TENM2: variants seen among roughly 807,000 people sequenced by gnomAD.
The protein encoded by TENM2 is teneurin transmembrane protein 2.
A neutral mutation model predicts 245.2 loss-of-function variants in TENM2; 52 were observed. The ratio of observed to expected loss-of-function variants is 0.21; its 90% confidence interval spans 0.17 to 0.27. The LOEUF (loss-of-function observed/expected upper bound fraction) is 0.27. TENM2 is among the 10% of genes least tolerant of loss of function. The probability of loss-of-function intolerance (pLI) is 1.00; values close to 1 mark genes in which losing one functional copy is unlikely to be tolerated. For missense variants in TENM2, 3,046 were observed against 3,666.8 expected, an observed-to-expected ratio of 0.83 and a Z score of 4.37; for synonymous variants, 1,363 against 1,438.9, an observed-to-expected ratio of 0.95 and a Z score of 1.19.
In TENM2 at chr5:168,247,651, G is replaced by C; in HGVS notation, c.6712G>C (p.Gly2238Arg). Residue 2238 changes from glycine (G) to arginine (R), a missense_variant, in exon 27 of 29, where the codon GGC becomes CGC. Coordinates refer to ENST00000518659, the Ensembl canonical transcript of TENM2. This position sits in a 1 kb window ranked among gnomAD's most constrained non-coding sequence, Gnocchi z 7.8. ...TGGGAATCTCCACTTACTGAACCCA[G>C]GCAACAGTGTGCGCCTCATGCCCTT... 6.2e-7 allele frequency: 1 copy of C among 1,613,882 alleles called. No individual in the cohort carries two copies. The highest frequency in any genetic ancestry group is 1.1e-5 in the South Asian group (1 of 91,088).
In TENM2 at chr5:168,032,676, T is replaced by A. The variant is rs540681773; in HGVS notation, c.1187-14751T>A. Among the ~76,000 whole-genome samples the A allele has an allele frequency of 2.0e-5, 3 of 152,236 alleles. No individual in the cohort carries two copies. In the South Asian group the frequency reaches 6.2e-4, roughly 32 times the overall value. On this transcript the variant is annotated intron_variant, in intron 5 of 28. Transcript: ENST00000518659. ...GGCAGTGGGGAGTTAGGTCTTATGGTTTGCTTGTGTCTTGCTTTTTTTACA... is the reference window on the plus strand; with the variant it reads ...GGCAGTGGGGAGTTAGGTCTTATGGATTGCTTGTGTCTTGCTTTTTTTACA...
At chr5:167,924,497 A>T (rs944017257) in intron 3 of TENM2, among the ~76,000 whole-genome samples, 3 of 152,252 alleles carry the variant, frequency 2.0e-5, no homozygotes, top group African/African-American at 4.8e-5. Context: ...AAATGGTAAA[A>T]TATCTGGAGT....
At chr5:167,913,697 C>G (rs1414038893) in intron 3 of TENM2, among the ~76,000 whole-genome samples, 1 of 152,184 alleles carries the variant, frequency 6.6e-6, no homozygotes, top group East Asian at 1.9e-4. Flanking sequence ...GGTTATATCT[C>G]GTTCTCCAGC....
chr5:167,185,455 C>T, the TENM2 span, among the ~76,000 whole-genome samples: 1 of 151,956 alleles, frequency 6.6e-6, no homozygotes, highest in Non-Finnish European at 1.5e-5. Flanking sequence ...TAAATACATG[C>T]CCTATTTTTG....
intron 25 of TENM2, among the ~76,000 whole-genome samples, chr5:168,236,034 A>C (rs955628796): frequency 6.6e-6 from 1 of 152,198 alleles, no homozygotes; most frequent in Non-Finnish European, 1.5e-5. Context: ...TTCTGCCTGT[A>C]TCCTGAACAG....
intron 11 of TENM2, 74 bp from the exon 14 acceptor site, chr5:168,126,680 A>G: frequency 3.9e-6 from 5 of 1,295,126 alleles, no homozygotes; most frequent in Non-Finnish European, 5.4e-6. Context: ...GGTCTGGGCC[A>G]TGTGCGTGGT....
chr5:167,295,810 ACAC>A (rs1754918728), intron 1 of TENM2, among the ~76,000 whole-genome samples: 1 of 152,056 alleles, frequency 6.6e-6, no homozygotes. Context: ...AAACTCTCTC[ACAC>A]CACCAAGTTA....
chr5:168,195,566 G>A lies in TENM2; in HGVS notation c.2900+271G>A, dbSNP rs1016941975. Among the ~76,000 whole-genome samples the A allele has an allele frequency of 1.8e-3, 210 of 114,892 alleles. 1 individual carries two copies. Among genetic ancestry groups the A allele is most frequent in the African/African-American group, 7.2e-3 (166 of 23,074 alleles). 75.4% of individuals were successfully genotyped at this position (114,892 alleles called of 152,430 possible). On this transcript the variant is annotated intron_variant, in intron 15 of 28. Transcript: ENST00000518659. ...GGTCAATGCACGTGTGTGTGTGTGT[G>A]TGTGTGTGTGTGTGTGTGTGTGTGT...
At chr5:167,262,398 TTG>T in the TENM2 span, among the ~76,000 whole-genome samples, 1 of 120,200 alleles carries the variant, frequency 8.3e-6, no homozygotes, top group Admixed American at 9.5e-5. Context: ...GGCTTTTTTT[TTG>T]GGGGGGCGGT....
intron 3 of TENM2, among the ~76,000 whole-genome samples, chr5:167,890,089 G>A (rs575246466): frequency 6.6e-6 from 1 of 152,060 alleles, no homozygotes; most frequent in East Asian, 1.9e-4. Context: ...CAAAACTCAC[G>A]GTGTCCCCTG....
At chr5:168,130,417 A>G (rs1393297467) in intron 12 of TENM2, 1 of 152,186 alleles carries the variant, frequency 6.6e-6, no homozygotes, top group African/African-American at 2.4e-5. Context: ...CTTTGAATAC[A>G]TATCAGCCAC....
chr5:167,117,006 A>G, the TENM2 span, among the ~76,000 whole-genome samples: 3 of 152,256 alleles, frequency 2.0e-5, no homozygotes, highest in Non-Finnish European at 4.4e-5. Context: ...GAAGAATTTA[A>G]CCCACTAAAT....
At chr5:167,835,842 A>T (rs1466184006) in intron 2 of TENM2, among the ~76,000 whole-genome samples, 1 of 152,078 alleles carries the variant, frequency 6.6e-6, no homozygotes. Context: ...TTGGACAGTC[A>T]CCCCAACACC....
At chr5:167,444,884 A>G (rs1055612882) in intron 2 of TENM2, among the ~76,000 whole-genome samples, 1 of 152,194 alleles carries the variant, frequency 6.6e-6, no homozygotes, top group African/African-American at 2.4e-5. Context: ...AACTCAGTAC[A>G]GACACTTTAT....
intron 1 of TENM2, among the ~76,000 whole-genome samples, chr5:167,350,437 GT>G (rs1758758777): frequency 6.7e-6 from 1 of 149,826 alleles, no homozygotes; most frequent in African/African-American, 2.5e-5. Flanking sequence ...GTGTGTGTGT[GT>G]GTGTGTGTAT....
intron 7 of TENM2, among the ~76,000 whole-genome samples, chr5:168,071,352 A>G (rs1334437529): frequency 2.0e-5 from 3 of 152,238 alleles, no homozygotes; most frequent in Admixed American, 6.5e-5. Context: ...ATTTTTTTAA[A>G]GATAACTTTT....
At chr5:168,179,730 GT>G (rs1562251441) in intron 13 of TENM2, among the ~76,000 whole-genome samples, 1 of 152,112 alleles carries the variant, frequency 6.6e-6, no homozygotes, top group Non-Finnish European at 1.5e-5. Flanking sequence ...TAAAAACAGG[GT>G]GACCATAGGT....
At chr5:168,021,843 A>G (rs1444427008) in intron 5 of TENM2, among the ~76,000 whole-genome samples, 1 of 151,680 alleles carries the variant, frequency 6.6e-6, no homozygotes, top group Non-Finnish European at 1.5e-5. Context: ...AGAAATGATT[A>G]GGAACAGAGT....
chr5:167,200,221 A>C, the TENM2 span, among the ~76,000 whole-genome samples: 27 of 152,018 alleles, frequency 1.8e-4, no homozygotes, highest in Admixed American at 3.9e-4. Context: ...ACTGGCATTA[A>C]GTTTGGTTGT....
Sources: gnomAD v4.1 joint callset for allele counts (sites outside exome capture counted in the v4.1 genomes callset) on GRCh38, gnomAD v4.1.1 for gene constraint, Gnocchi (gnomAD v3.1) non-coding constraint, MANE v1.5 for transcripts, NCBI Gene and HGNC (gene_info 2026-07-23, HGNC 2026-07-21) for gene names.